The following KCNB2 variants were observed in gnomAD, a reference collection of about 807,000 sequenced individuals.
KCNB2 encodes the protein potassium voltage-gated channel subfamily B member 2, also known as delayed rectifier potassium channel protein.
In KCNB2, 15 loss-of-function variants were observed where a neutral mutation model predicts 61.5. The observed-to-expected ratio is 0.24, with a 90% CI of 0.16 to 0.38. The LOEUF (loss-of-function observed/expected upper bound fraction) is 0.38. KCNB2 is among the 10% of genes least tolerant of loss of function. KCNB2 has a pLI of 1.00. For missense variants in KCNB2, 828 were observed against 1,125.2 expected, an observed-to-expected ratio of 0.74 and a Z score of 3.78; for synonymous variants, 457 against 446.0, an observed-to-expected ratio of 1.02 and a Z score of -0.31.
intron 2 of KCNB2, among the ~76,000 whole-genome samples, chr8:72,836,482 G>C (rs1170336237): frequency 6.6e-6 from 1 of 152,152 alleles, no homozygotes; most frequent in Non-Finnish European, 1.5e-5. Context: ...TCCTCTTGGA[G>C]TTTTCATGGT....
intron 2 of KCNB2, among the ~76,000 whole-genome samples, chr8:72,717,508 G>T (rs865825637): frequency 2.6e-5 from 4 of 152,040 alleles, no homozygotes; most frequent in African/African-American, 9.7e-5. Context: ...AAATAATGCC[G>T]CAAATCTACA....
intron 2 of KCNB2, among the ~76,000 whole-genome samples, chr8:72,591,022 C>A (rs1807089738): frequency 6.6e-6 from 1 of 152,112 alleles, no homozygotes; most frequent in South Asian, 2.1e-4. Context: ...ATGCGTCACA[C>A]CTTGGGAGAG....
chr8:72,922,358 TG>T (rs1806541029), intron 2 of KCNB2, among the ~76,000 whole-genome samples: 1 of 152,228 alleles, frequency 6.6e-6, no homozygotes, highest in African/African-American at 2.4e-5. Context: ...TCTGAGCTTT[TG>T]GATGTACAAG....
At chr8:72,899,034 T>C (rs960437025) in intron 2 of KCNB2, among the ~76,000 whole-genome samples, 2 of 152,086 alleles carry the variant, frequency 1.3e-5, no homozygotes, top group African/African-American at 4.8e-5. Context: ...CCTTATCCAA[T>C]CCACCATTGA....
At chr8:72,802,678 G>T (rs140265197) in intron 2 of KCNB2, among the ~76,000 whole-genome samples, 149 of 152,204 alleles carry the variant, frequency 9.8e-4, no homozygotes, top group Admixed American at 8.1e-3. Context: ...ACTTCATTCA[G>T]CATGTTCATG....
intron 2 of KCNB2, among the ~76,000 whole-genome samples, chr8:72,599,371 G>A (rs955435961): frequency 1.3e-5 from 2 of 152,136 alleles, no homozygotes; most frequent in Non-Finnish European, 2.9e-5. Flanking sequence ...TTTAATAAAA[G>A]GTGCTGGGAA....
chr8:72,567,988 A>G lies in KCNB2; in HGVS notation c.254A>G (p.Asn85Ser), dbSNP rs373152926. 3 of 1,614,014 alleles carry G rather than the reference A, an allele frequency of 1.9e-6. No homozygotes were observed. Among genetic ancestry groups the G allele is most frequent in the Non-Finnish European group, 2.5e-6 (3 of 1,180,010 alleles). Residue 85 changes from asparagine to serine, a missense_variant, in exon 2 of 3, where the codon AAC (asparagine) becomes AGC (serine). Asn to Ser is a conservative substitution (Grantham distance 46). This residue lies in a region of KCNB2 where 163 missense variants were observed against 314.4 expected (regional missense o/e 0.52). Transcript: ENST00000523207. ...EVCDDYNLNE[N>S]EYFFDRHPGA... The stretch of plus-strand genomic sequence containing the variant: ...TGCGACGACTATAATCTGAACGAGA[A>G]CGAGTATTTCTTTGATCGGCATCCA...
chr8:72,620,716 C>T (rs144538679), intron 2 of KCNB2, among the ~76,000 whole-genome samples: 1,656 of 152,274 alleles, frequency 0.011, 18 homozygotes, highest in African/African-American at 0.037. Context: ...TCAAGTGATT[C>T]TCCTGCCTCA....
intron 2 of KCNB2, among the ~76,000 whole-genome samples, chr8:72,625,258 A>G (rs1805771928): frequency 6.6e-6 from 1 of 152,236 alleles, no homozygotes; most frequent in Admixed American, 6.5e-5. Context: ...TTGAGGAATT[A>G]GAAATGGAGC....
At chr8:72,568,774 C>A (rs138462825) in intron 2 of KCNB2, among the ~76,000 whole-genome samples, 1 of 147,548 alleles carries the variant, frequency 6.8e-6, no homozygotes, top group East Asian at 2.0e-4. Flanking sequence ...GAGAGCATGG[C>A]CCCAGGTAGC....
chr8:72,868,075 AT>A (rs760574895), intron 2 of KCNB2, among the ~76,000 whole-genome samples: 4,843 of 135,314 alleles, frequency 0.036, 227 homozygotes, highest in African/African-American at 0.11. Flanking sequence ...TTTATTATTT[AT>A]TTTTTTTTTT....
intron 2 of KCNB2, among the ~76,000 whole-genome samples, chr8:72,686,146 T>G (rs1448797364): frequency 1.3e-5 from 2 of 152,186 alleles, no homozygotes; most frequent in East Asian, 1.9e-4. Flanking sequence ...TATAAGATTG[T>G]TTTTCCCATT....
intron 2 of KCNB2, among the ~76,000 whole-genome samples, chr8:72,580,127 A>G (rs115908190): frequency 1.3e-5 from 2 of 152,304 alleles, no homozygotes; most frequent in African/African-American, 4.8e-5. Flanking sequence ...TTCTGTTGCA[A>G]CTACTCAGCT....
At chr8:72,701,129 C>T (rs1807117417) in intron 2 of KCNB2, among the ~76,000 whole-genome samples, 1 of 152,104 alleles carries the variant, frequency 6.6e-6, no homozygotes, top group Non-Finnish European at 1.5e-5. Flanking sequence ...GTGCTATGCT[C>T]ATTACCTGGG....
chr8:72,541,466 C>A (rs944397376), intron 1 of KCNB2, among the ~76,000 whole-genome samples: 2 of 152,014 alleles, frequency 1.3e-5, no homozygotes, highest in African/African-American at 4.8e-5. Context: ...TAAAGTCAAG[C>A]TTGAACCTAG....
intron 1 of KCNB2, among the ~76,000 whole-genome samples, chr8:72,540,690 T>C (rs1432841752): frequency 6.6e-6 from 1 of 152,160 alleles, no homozygotes; most frequent in Non-Finnish European, 1.5e-5. Flanking sequence ...TTCTTAAATA[T>C]GTATTCCCAC....
chr8:72,781,372 A>G (rs554470516), intron 2 of KCNB2, among the ~76,000 whole-genome samples: 3 of 152,260 alleles, frequency 2.0e-5, no homozygotes, highest in South Asian at 4.1e-4. Flanking sequence ...TCTTTAATTT[A>G]TCTTGAGTTT....
intron 1 of KCNB2, among the ~76,000 whole-genome samples, chr8:72,540,041 T>G (rs1031398561): frequency 6.6e-6 from 1 of 152,178 alleles, no homozygotes; most frequent in Non-Finnish European, 1.5e-5. Context: ...TGTCTACAAA[T>G]GTGCAAGTCT....
intron 2 of KCNB2, among the ~76,000 whole-genome samples, chr8:72,767,908 C>G (rs1415125619): frequency 6.6e-6 from 1 of 150,588 alleles, no homozygotes; most frequent in Non-Finnish European, 1.5e-5. Flanking sequence ...TTATAGCCAT[C>G]CTCCTGGGTA....
Sources: gnomAD v4.1 joint callset for allele counts (sites outside exome capture counted in the v4.1 genomes callset) on GRCh38, gnomAD v4.1.1 for gene constraint, gnomAD v4.1.1 regional missense constraint, MANE v1.5 for transcripts, NCBI Gene and HGNC (gene_info 2026-07-23, HGNC 2026-07-21) for gene names.